COL4A4: variants seen among roughly 807,000 people sequenced by gnomAD.
COL4A4 encodes the protein collagen alpha-4(IV) chain.
COL4A4 carries 105 observed loss-of-function variants against 192.9 expected under a neutral mutation model. The observed-to-expected ratio is 0.54, with a 90% CI of 0.46 to 0.64. The LOEUF (loss-of-function observed/expected upper bound fraction) is 0.64, where lower values mean the gene tolerates loss of function less well. Among genes scored for constraint, COL4A4 ranks in the 30% least tolerant of loss-of-function variants. The pLI, the probability that COL4A4 is intolerant of heterozygous loss-of-function variation, is 0.00. For synonymous variants in COL4A4, 762 were observed against 769.9 expected (o/e 0.99, Z 0.17); for missense variants, 1,967 against 2,169.3 (o/e 0.91, Z 1.85).
intron 7 of COL4A4, among the ~76,000 whole-genome samples, chr2:227,118,417 C>G (rs2124995158): frequency 6.6e-6 from 1 of 152,256 alleles, no homozygotes; most frequent in Middle Eastern, 3.4e-3. Context: ...CCATCCAGTG[C>G]CTTTACCTAA....
intron 3 of COL4A4, among the ~76,000 whole-genome samples, chr2:227,143,542 T>C (rs138404453): frequency 6.6e-6 from 1 of 152,126 alleles, no homozygotes; most frequent in Admixed American, 6.5e-5. Context: ...GATAGAAAAA[T>C]CTTTGATTCA....
At chr2:227,100,859 C>T (rs527775505) in intron 17 of COL4A4, among the ~76,000 whole-genome samples, 19 of 151,052 alleles carry the variant, frequency 1.3e-4, no homozygotes, top group African/African-American at 3.9e-4. Context: ...GGATGGAGTG[C>T]AGTGGTGTGA....
rs1384714684 is a variant in COL4A4, at chr2:227,010,504, G to A, written c.4334-3C>T. 9.0e-6 allele frequency: 14 copies of A among 1,553,840 alleles called. No homozygotes were observed. Among genetic ancestry groups the A allele is most frequent in the Non-Finnish European group, 1.2e-5 (14 of 1,154,604 alleles). ...ATCCCCAATGGGACCAGGAGGCCCT[G>A]GAGGAACAAAGGAAAAAAATTGAAG... On this transcript the variant is annotated splice_region_variant and splice_polypyrimidine_tract_variant and intron_variant, in intron 45 of 47. Coordinates refer to ENST00000396625, the MANE Select transcript of COL4A4 (RefSeq NM_000092.5).
chr2:227,131,388 C>T (rs751354479), intron 4 of COL4A4, among the ~76,000 whole-genome samples: 2 of 152,136 alleles, frequency 1.3e-5, no homozygotes, highest in African/African-American at 2.4e-5. Context: ...AACTCCTGAC[C>T]TCATGATCCA....
the COL4A4 span, among the ~76,000 whole-genome samples, chr2:226,981,158 AT>A: frequency 6.6e-6 from 1 of 152,288 alleles, no homozygotes; most frequent in Non-Finnish European, 1.5e-5. Context: ...ATAGGTGGAA[AT>A]TGAACAATGA....
chr2:226,975,300 C>T, the COL4A4 span, among the ~76,000 whole-genome samples: 8 of 152,140 alleles, frequency 5.3e-5, no homozygotes, highest in African/African-American at 9.7e-5. Context: ...CACACACACA[C>T]ATCTATAAAT....
intron 31 of COL4A4, among the ~76,000 whole-genome samples, chr2:227,053,745 C>T (rs536710308): frequency 8.2e-4 from 125 of 151,960 alleles, no homozygotes; most frequent in East Asian, 3.3e-3. Flanking sequence ...GACAGGGTTT[C>T]GCCGTGTTAC....
the COL4A4 span, among the ~76,000 whole-genome samples, chr2:226,972,601 G>A: frequency 1.3e-5 from 2 of 152,198 alleles, no homozygotes; most frequent in African/African-American, 4.8e-5. Context: ...GAGCTTCTGG[G>A]TCAAGGCAGG....
chr2:227,039,035 T>C (rs988017768), intron 37 of COL4A4, among the ~76,000 whole-genome samples: 1 of 152,220 alleles, frequency 6.6e-6, no homozygotes, highest in Non-Finnish European at 1.5e-5. Flanking sequence ...GGTATGAACA[T>C]GCCAAGTAAT....
At chr2:227,122,661 T>C (rs916386403) in intron 4 of COL4A4, among the ~76,000 whole-genome samples, 3 of 152,114 alleles carry the variant, frequency 2.0e-5, no homozygotes, top group African/African-American at 7.2e-5. Flanking sequence ...CAAATGGAAG[T>C]GTTCTGCTAG....
At chr2:226,981,526 A>G in the COL4A4 span, among the ~76,000 whole-genome samples, 3 of 151,710 alleles carry the variant, frequency 2.0e-5, no homozygotes. Flanking sequence ...ATGCAAACAC[A>G]TGCAGGCACA....
chr2:226,971,044 C>T, the COL4A4 span, among the ~76,000 whole-genome samples: 1 of 152,182 alleles, frequency 6.6e-6, no homozygotes, highest in Non-Finnish European at 1.5e-5. Flanking sequence ...TTCGTAGACA[C>T]TTAATTAAAT....
chr2:226,988,264 T>C, the COL4A4 span: 1 of 1,452,588 alleles, frequency 6.9e-7, no homozygotes, highest in Non-Finnish European at 9.3e-7. Context: ...ATCAGGGCCC[T>C]GAGGAGGCCA....
chr2:227,159,398 G>T (rs927910013), intron 1 of COL4A4, among the ~76,000 whole-genome samples: 1 of 152,188 alleles, frequency 6.6e-6, no homozygotes, highest in Non-Finnish European at 1.5e-5. Context: ...GATGGGCAGT[G>T]GTGGTTTCAT....
Position 227,144,528 on chromosome 2 carries a change from T to C in COL4A4, c.102A>G (p.Gln34=), listed in dbSNP as rs3817617. 8.7e-4 allele frequency: 1,401 copies of C among 1,610,258 alleles called. 27 individuals carry two copies. The East Asian group carries it at 0.026, about 30-fold the overall frequency. ...TGAATGTACTTACCCCATATACATA[T>C]TGTACAGAAAAGAGAATGAGTATAA... The part of the protein sequence containing the change: ...WSLILILFSV[Q]YVYGSGKKYI... The change falls in exon 3 of 48, where the codon CAA becomes CAG. Residue 34 remains glutamine, a synonymous_variant. Transcript: ENST00000396625.
chr2:227,069,524 T>G (rs2058576216), intron 25 of COL4A4, among the ~76,000 whole-genome samples: 1 of 151,696 alleles, frequency 6.6e-6, no homozygotes, highest in Admixed American at 6.6e-5. Context: ...AACAGAGATA[T>G]AGATCAATGG....
intron 37 of COL4A4, among the ~76,000 whole-genome samples, chr2:227,041,379 G>A (rs1459152515): frequency 6.6e-6 from 1 of 151,816 alleles, no homozygotes; most frequent in African/African-American, 2.4e-5. Flanking sequence ...GCAACCGGGC[G>A]CTCACATCCT....
intron 37 of COL4A4, among the ~76,000 whole-genome samples, chr2:227,036,933 A>G (rs1969805306): frequency 6.6e-6 from 1 of 152,212 alleles, no homozygotes; most frequent in Admixed American, 6.5e-5. Flanking sequence ...GTAAATATGG[A>G]TACAAAATCC....
chr2:227,146,299 TA>T (rs1040457736), intron 2 of COL4A4, among the ~76,000 whole-genome samples: 18 of 151,118 alleles, frequency 1.2e-4, no homozygotes, highest in East Asian at 3.9e-4. Flanking sequence ...TTTTTTTCTT[TA>T]AAAAAAAATC....
Sources: gnomAD v4.1 joint callset for allele counts (sites outside exome capture counted in the v4.1 genomes callset) on GRCh38, gnomAD v4.1.1 for gene constraint, MANE v1.5 for transcripts, NCBI Gene and HGNC (gene_info 2026-07-23, HGNC 2026-07-21) for gene names.